The following FRYL variants were observed in gnomAD, a reference collection of about 807,000 sequenced individuals.
FRYL encodes the protein FRY like transcription coactivator.
A neutral mutation model predicts 351.2 loss-of-function variants in FRYL; 150 were observed. The ratio of observed to expected loss-of-function variants is 0.43; its 90% confidence interval spans 0.37 to 0.49. The LOEUF (loss-of-function observed/expected upper bound fraction) is 0.49. FRYL is among the 20% of genes least tolerant of loss of function. The pLI, the probability that FRYL is intolerant of heterozygous loss-of-function variation, is 0.00. For synonymous variants in FRYL, 1,153 were observed against 1,257.1 expected, an observed-to-expected ratio of 0.92 and a Z score of 1.75; for missense variants, 3,036 against 3,619.3, an observed-to-expected ratio of 0.84 and a Z score of 4.13.
intron 33 of FRYL, among the ~76,000 whole-genome samples, chr4:48,560,498 G>A (rs993870618): frequency 1.3e-5 from 2 of 152,104 alleles, no homozygotes; most frequent in Non-Finnish European, 2.9e-5. Context: ...CATCCTAGGC[G>A]ATGACATGAC....
intron 1 of FRYL, among the ~76,000 whole-genome samples, chr4:48,715,657 A>G (rs1415581119): frequency 1.3e-5 from 2 of 152,110 alleles, no homozygotes; most frequent in East Asian, 1.9e-4. Context: ...TTCCATGCTC[A>G]TGGGTAGGAA....
In FRYL at chr4:48,547,742, T is replaced by A. The variant is rs759363121; in HGVS notation, c.4916A>T (p.Tyr1639Phe). 3 of 1,558,998 alleles carry A rather than the reference T, an allele frequency of 1.9e-6. No individual in the cohort carries two copies. In the South Asian group the frequency reaches 3.7e-5, roughly 19 times the overall value. The part of the protein sequence containing the change: ...IGFDHCHPEV[Y>F]EHCKRLLLHL... ...CAGAAGCAGGCGTTTACAATGTTCA[T>A]ACACCTCAGGGTGGCAGTGGTCAAA... The change falls in exon 41 of 64, where the codon TAT (tyrosine) becomes TTT (phenylalanine). Residue 1639 changes from tyrosine (Y) to phenylalanine (F), a missense_variant. Physicochemically the swap from Tyr to Phe is conservative, Grantham distance 22. This residue lies in a region of FRYL where 1,987 missense variants were observed against 2,311.7 expected (regional missense o/e 0.86). Transcript: ENST00000358350.
chr4:48,515,424 A>G (rs1723368522), intron 55 of FRYL, 149 bp from the exon 56 acceptor site: 5 of 626,988 alleles, frequency 8.0e-6, no homozygotes, highest in Non-Finnish European at 1.4e-5. Flanking sequence ...GTGGAGTGCA[A>G]TGGCGTGATC....
chr4:48,690,070 T>A (rs755800937), intron 2 of FRYL, among the ~76,000 whole-genome samples: 3 of 150,964 alleles, frequency 2.0e-5, no homozygotes, highest in Non-Finnish European at 4.4e-5. Flanking sequence ...CTAATTTTTT[T>A]TTTTTTTTGT....
chr4:48,753,458 T>C (rs1773456199), intron 1 of FRYL, among the ~76,000 whole-genome samples: 3 of 152,314 alleles, frequency 2.0e-5, no homozygotes, highest in Admixed American at 1.3e-4. Context: ...ATAATTCATA[T>C]ACCATAAAAT....
At chr4:48,573,811 A>G (rs1453392566) in intron 25 of FRYL, among the ~76,000 whole-genome samples, 1 of 152,210 alleles carries the variant, frequency 6.6e-6, no homozygotes, top group Admixed American at 6.5e-5. Flanking sequence ...TCAGCCTCCC[A>G]AAGTGTTGGG....
In FRYL at chr4:48,780,267, C is replaced by T. The variant is rs1042482660; in HGVS notation, c.-573G>A. Reference sequence around the variant, plus strand: ...TTTCTCTCTCGCTCTCTCCCAGAGCCCGACGGGCGCCCGGCTGTGCTGCGA... The same window carrying T: ...TTTCTCTCTCGCTCTCTCCCAGAGCTCGACGGGCGCCCGGCTGTGCTGCGA... On this transcript the variant is annotated 5_prime_UTR_variant, in exon 1 of 64. Coordinates refer to ENST00000358350, the MANE Select transcript of FRYL (RefSeq NM_015030.2). 12 of 152,612 alleles carry T rather than the reference C, an allele frequency of 7.9e-5. No homozygotes were observed. The highest frequency in any genetic ancestry group is 1.3e-4 in the Non-Finnish European group (9 of 68,444). 9.5% of individuals were successfully genotyped at this position (152,612 alleles called of 1,614,324 possible).
At chr4:48,548,910 T>A in intron 39 of FRYL, 117 bp from the exon 40 acceptor site, 3 of 603,174 alleles carry the variant, frequency 5.0e-6, no homozygotes, top group African/African-American at 1.9e-5. Flanking sequence ...ATACAACTTA[T>A]CAAGGAAAAA....
chr4:48,501,475 A>G lies in FRYL; in HGVS notation c.8592+148T>C, dbSNP rs552242759. On this transcript the variant is annotated intron_variant, in intron 62 of 63. Transcript: ENST00000358350. ...TTACTCATAGGTCCTGACATAGCAC[A>G]TCATTAAAAAACAAATTATTCCTTA... The G allele has an allele frequency of 3.7e-5, 23 of 622,442 alleles. 1 individual carries two copies. The highest frequency in any genetic ancestry group is 3.0e-4 in the South Asian group (17 of 55,950). 38.6% of individuals were successfully genotyped at this position (622,442 alleles called of 1,614,324 possible).
chr4:48,768,127 T>C (rs945752912), intron 1 of FRYL, among the ~76,000 whole-genome samples: 2 of 152,232 alleles, frequency 1.3e-5, no homozygotes. Context: ...AAGGTGGCAG[T>C]TGCACACCCT....
intron 3 of FRYL, among the ~76,000 whole-genome samples, chr4:48,682,066 G>GT: frequency 6.6e-6 from 1 of 152,230 alleles, no homozygotes; most frequent in African/African-American, 2.4e-5. Context: ...AAACACAAAG[G>GT]TAACAGGGTA....
chr4:48,580,840 G>C, intron 22 of FRYL, 25 bp downstream of exon 22: 1 of 1,461,702 alleles, frequency 6.8e-7, no homozygotes, highest in Non-Finnish European at 9.6e-7. Flanking sequence ...AACAAGATTG[G>C]GTAGAATGAA....
chr4:48,703,378 C>T lies in FRYL; in HGVS notation c.-204+7141G>A, dbSNP rs7659813. On this transcript the variant is annotated intron_variant, in intron 2 of 63. Coordinates refer to ENST00000358350, the MANE Select transcript of FRYL (RefSeq NM_015030.2). ...ATTACTACAACAGTCTGCTAACCAG[C>T]TCCTGACTGACTTCTACGTGACCCC... Among the ~76,000 whole-genome samples the T allele has an allele frequency of 3.6e-3, 551 of 152,328 alleles. 4 individuals carry two copies. The highest frequency in any genetic ancestry group is 0.013 in the African/African-American group (521 of 41,564).
At chr4:48,645,154 A>ATATATATATATATATC (rs1373290711) in intron 3 of FRYL, among the ~76,000 whole-genome samples, 59 of 122,966 alleles carry the variant, frequency 4.8e-4, no homozygotes, top group Admixed American at 7.0e-4. Flanking sequence ...ATATATATAT[A>ATATATATATATATATC]TCAGACTGGC....
At position 48,505,528 on chromosome 4, in the gene FRYL, A is replaced by T. The variant is rs369434975; in HGVS notation, c.8463+19T>A. 1.2e-5 allele frequency: 19 copies of T among 1,524,354 alleles called. No individual in the cohort carries two copies. Among genetic ancestry groups the T allele is most frequent in the Non-Finnish European group, 1.7e-5 (19 of 1,102,752 alleles). 94.4% of individuals were successfully genotyped at this position (1,524,354 alleles called of 1,614,324 possible). ...GATACAGAAAATGTATGTTGCAAAA[A>T]CAGGAACAAGAAACTTACTTGTGCA... is the stretch of plus-strand genomic sequence containing the variant. On this transcript the variant is annotated intron_variant, in intron 60 of 63. Coordinates refer to ENST00000358350, the MANE Select transcript of FRYL (RefSeq NM_015030.2).
Position 48,499,149 on chromosome 4 carries a change from G to T in FRYL, c.*273C>A. 2.9e-6 allele frequency: 1 copy of T among 341,834 alleles called. No individual in the cohort carries two copies. The highest frequency in any genetic ancestry group is 3.6e-5 in the South Asian group (1 of 27,460). 21.2% of individuals were successfully genotyped at this position (341,834 alleles called of 1,614,324 possible). On this transcript the variant is annotated 3_prime_UTR_variant, in exon 64 of 64. Coordinates refer to ENST00000358350, the MANE Select transcript of FRYL (RefSeq NM_015030.2). ...TCCCCAGAAAGTAATGTATTTGTAGGCATCACTTTTAGCCCTTTTCTTTTC... is the reference window on the plus strand; with the variant it reads ...TCCCCAGAAAGTAATGTATTTGTAGTCATCACTTTTAGCCCTTTTCTTTTC...
chr4:48,632,096 A>ATATATATATATATG (rs1444866233), intron 4 of FRYL, among the ~76,000 whole-genome samples: 13 of 16,174 alleles, frequency 8.0e-4, no homozygotes, highest in East Asian at 5.1e-3. Context: ...AAAAAAATAT[A>ATATATATATATATG]TATATATATA....
At chr4:48,613,025 G>C (rs982341289) in intron 7 of FRYL, among the ~76,000 whole-genome samples, 2 of 152,120 alleles carry the variant, frequency 1.3e-5, no homozygotes, top group African/African-American at 4.8e-5. Flanking sequence ...AAATGCTTGG[G>C]ACCAGAAGTG....
chr4:48,609,764 C>A lies in FRYL; in HGVS notation c.471G>T (p.Lys157Asn). The A allele has an allele frequency of 6.3e-7, 1 of 1,582,942 alleles. No individual in the cohort carries two copies. Residue 157 changes from lysine to asparagine, a missense_variant, in exon 8 of 64, where the codon AAG becomes AAT. By Grantham distance (94) the Lys-to-Asn change is moderately conservative (BLOSUM62 0). Coordinates refer to ENST00000358350, the MANE Select transcript of FRYL (RefSeq NM_015030.2). Reference protein sequence around the residue: ...LVHEVLNLAFKHFKHKEGYSG... With the variant: ...LVHEVLNLAFNHFKHKEGYSG... ...CTTACCCTTCCTTATGTTTAAAGTGCTTAAAAGCTAAGTTTAGAACTTCAT... is the reference window on the plus strand; with the variant it reads ...CTTACCCTTCCTTATGTTTAAAGTGATTAAAAGCTAAGTTTAGAACTTCAT...
Sources: gnomAD v4.1 joint callset for allele counts (sites outside exome capture counted in the v4.1 genomes callset) on GRCh38, gnomAD v4.1.1 for gene constraint, gnomAD v4.1.1 regional missense constraint, MANE v1.5 for transcripts, NCBI Gene and HGNC (gene_info 2026-07-23, HGNC 2026-07-21) for gene names.